The following WNK1 variants were observed in gnomAD, a reference collection of about 807,000 sequenced individuals.
WNK1 encodes the protein serine/threonine-protein kinase WNK1.
Under a neutral mutation model 222.8 loss-of-function variants are expected in WNK1, and 38 were observed. That is an observed-to-expected ratio of 0.17 (90% confidence interval 0.13 to 0.22). The LOEUF is 0.22. WNK1 is among the 10% of genes least tolerant of loss of function. The pLI, the probability that WNK1 is intolerant of heterozygous loss-of-function variation, is 1.00. For synonymous variants in WNK1, 1,090 were observed against 1,092.9 expected (o/e 1.00, Z 0.05); for missense variants, 2,348 against 2,918.4 (o/e 0.80, Z 4.50).
chr12:884,238 A>G lies in WNK1; in HGVS notation c.3839A>G (p.Asp1280Gly). 2.5e-6 allele frequency: 4 copies of G among 1,614,110 alleles called. No individual in the cohort carries two copies. Among genetic ancestry groups the G allele is most frequent in the South Asian group, 1.1e-5 (1 of 91,086 alleles). ...ESKVFPSEIT[D>G]TVAASTAQSP... ...AAAGTTTTCCCCAGTGAAATAACAGATACAGGTAAGGGATTGATTCTGCCA... is the reference window on the plus strand; with the variant it reads ...AAAGTTTTCCCCAGTGAAATAACAGGTACAGGTAAGGGATTGATTCTGCCA... Residue 1280 changes from aspartate to glycine, a missense_variant, in exon 18 of 28, where the codon GAT becomes GGT. This residue lies in a region of WNK1 where 1,144 missense variants were observed against 1,273.6 expected (regional missense o/e 0.90). Coordinates refer to ENST00000315939, the MANE Select transcript of WNK1 (RefSeq NM_018979.4). The surrounding 1 kb of genome is among the most constrained non-coding windows in gnomAD (Gnocchi z 5.6).
chr12:802,245 A>G (rs1226710014), intron 1 of WNK1, among the ~76,000 whole-genome samples: 1 of 152,220 alleles, frequency 6.6e-6, no homozygotes, highest in Non-Finnish European at 1.5e-5. Flanking sequence ...GGATGCTAAA[A>G]TAGGTAGTAA....
At chr12:851,612 C>T (rs1950424587) in intron 4 of WNK1, 3 of 1,255,952 alleles carry the variant, frequency 2.4e-6, no homozygotes, top group Non-Finnish European at 3.1e-6. Flanking sequence ...TGTCTGCCTT[C>T]CTTATGCTGT....
chr12:797,764 C>T (rs920842503), intron 1 of WNK1, among the ~76,000 whole-genome samples: 3 of 151,774 alleles, frequency 2.0e-5, no homozygotes, highest in African/African-American at 7.3e-5. Context: ...TGGCCAACAC[C>T]GTGAAACCCC....
intron 4 of WNK1, among the ~76,000 whole-genome samples, chr12:853,844 G>A (rs1056545426): frequency 1.3e-4 from 19 of 151,938 alleles, no homozygotes; most frequent in Admixed American, 5.2e-4. Flanking sequence ...TTTACCTCCC[G>A]GGCTGAAATG....
chr12:763,985 T>A lies in WNK1; in HGVS notation c.759+9661T>A, dbSNP rs555449435. ...TGTTGAGTTTGAGATTCTTATGTAA[T>A]CTCCAGTAAGAAGTTCAATAGGCAG... On this transcript the variant is annotated intron_variant, in intron 1 of 27. Transcript: ENST00000315939. 5.5e-4 allele frequency among the ~76,000 whole-genome samples: 81 copies of A among 147,558 alleles called. 1 individual carries two copies. Among genetic ancestry groups the A allele is most frequent in the African/African-American group, 1.9e-3 (80 of 41,162 alleles).
At chr12:848,476 A>G (rs990525740) in intron 4 of WNK1, among the ~76,000 whole-genome samples, 2 of 151,308 alleles carry the variant, frequency 1.3e-5, no homozygotes, top group Non-Finnish European at 2.9e-5. Context: ...CTTGTGAGGC[A>G]GCAAAGAAGC....
Position 782,288 on chromosome 12 carries a change from A to G in WNK1, c.759+27964A>G, listed in dbSNP as rs116171595. ...AGTTACATTGCTGGGTGACTGATCT[A>G]GCAAGTCCCTAACAGTGCCATTAAG... On this transcript the variant is annotated intron_variant, in intron 1 of 27. Transcript: ENST00000315939. Among the ~76,000 whole-genome samples the G allele has an allele frequency of 2.0e-3, 312 of 152,326 alleles. 1 individual carries two copies. Among genetic ancestry groups the G allele is most frequent in the African/African-American group, 6.9e-3 (287 of 41,558 alleles).
rs1939524099 is a variant in WNK1, at chr12:753,663, C to T, written c.98C>T (p.Ser33Phe). Residue 33 changes from serine (S) to phenylalanine (F), a missense_variant, in exon 1 of 28, where the codon TCC (serine) becomes TTC (phenylalanine). Transcript: ENST00000315939. This position sits in a 1 kb window ranked among gnomAD's most constrained non-coding sequence, Gnocchi z 5.2. Reference protein sequence around the residue: ...PAPKNGSSSDSSVGEKLGAAA... With the variant: ...PAPKNGSSSDFSVGEKLGAAA... ...CCCAAGAATGGCTCCAGCTCCGATTCCTCCGTGGGGGAGAAACTGGGAGCC... is the reference window on the plus strand; with the variant it reads ...CCCAAGAATGGCTCCAGCTCCGATTTCTCCGTGGGGGAGAAACTGGGAGCC... The T allele has an allele frequency of 6.2e-7, 1 of 1,612,524 alleles. No homozygotes were observed. Among genetic ancestry groups the T allele is most frequent in the South Asian group, 1.1e-5 (1 of 91,076 alleles).
intron 1 of WNK1, among the ~76,000 whole-genome samples, chr12:810,392 A>G (rs1435430799): frequency 6.6e-6 from 1 of 152,236 alleles, no homozygotes; most frequent in African/African-American, 2.4e-5. Context: ...TTTGATATGT[A>G]GAGTTATCAT....
intron 4 of WNK1, among the ~76,000 whole-genome samples, chr12:846,279 T>C (rs1202390708): frequency 6.6e-6 from 1 of 152,156 alleles, no homozygotes; most frequent in African/African-American, 2.4e-5. Flanking sequence ...GACCCAGTTG[T>C]CATGAAAGTC....
At chr12:840,765 A>G (rs1293380860) in intron 4 of WNK1, among the ~76,000 whole-genome samples, 1 of 152,220 alleles carries the variant, frequency 6.6e-6, no homozygotes, top group African/African-American at 2.4e-5. Context: ...GATCTACGAA[A>G]GTAGTGGTGA....
chr12:835,682 A>G (rs1411064751), intron 4 of WNK1, among the ~76,000 whole-genome samples: 3 of 151,942 alleles, frequency 2.0e-5, no homozygotes, highest in African/African-American at 7.3e-5. Flanking sequence ...GCTGGGCGTG[A>G]TAGCTCACGC....
At chr12:853,825 AC>A (rs1196193007) in intron 4 of WNK1, among the ~76,000 whole-genome samples, 1 of 152,026 alleles carries the variant, frequency 6.6e-6, no homozygotes, top group African/African-American at 2.4e-5. Context: ...ATCATGGCTC[AC>A]TGCAGCCTTT....
intron 22 of WNK1, among the ~76,000 whole-genome samples, chr12:892,226 G>A (rs530122089): frequency 2.6e-5 from 4 of 151,386 alleles, no homozygotes; most frequent in South Asian, 2.1e-4. Flanking sequence ...TCCCTCCCCC[G>A]TCCCAAGGGG....
At chr12:849,729 C>G (rs940323642) in intron 4 of WNK1, among the ~76,000 whole-genome samples, 2 of 152,048 alleles carry the variant, frequency 1.3e-5, no homozygotes, top group Non-Finnish European at 2.9e-5. Context: ...ACCCCCACCC[C>G]ACAACAGGCC....
intron 1 of WNK1, among the ~76,000 whole-genome samples, chr12:774,902 A>C (rs1385562048): frequency 6.6e-6 from 1 of 152,162 alleles, no homozygotes; most frequent in Non-Finnish European, 1.5e-5. Flanking sequence ...CTTATATCAG[A>C]ATGAATCCTT....
chr12:767,168 G>A (rs551597091), intron 1 of WNK1, among the ~76,000 whole-genome samples: 3 of 149,278 alleles, frequency 2.0e-5, no homozygotes, highest in Non-Finnish European at 4.4e-5. Context: ...ACACACAAGA[G>A]CTTATGTCAA....
At chr12:879,220 A>G (rs1477103037) in intron 10 of WNK1, among the ~76,000 whole-genome samples, 6 of 152,114 alleles carry the variant, frequency 3.9e-5, no homozygotes, top group Non-Finnish European at 8.8e-5. Context: ...GCATTATGGT[A>G]TATAAAATAT....
At chr12:906,728 T>C (rs1955731935) in intron 26 of WNK1, 2 of 985,154 alleles carry the variant, frequency 2.0e-6, no homozygotes, top group Non-Finnish European at 2.4e-6. Context: ...CTACTTCTCT[T>C]ATTACCTCTC....
Sources: allele counts gnomAD v4.1 joint callset (sites outside exome capture counted in the v4.1 genomes callset), GRCh38; gene constraint gnomAD v4.1.1; regional missense constraint gnomAD v4.1.1; non-coding constraint Gnocchi (gnomAD v3.1); transcripts MANE v1.5; gene names NCBI Gene and HGNC (gene_info 2026-07-23, HGNC 2026-07-21).